BCL11B: variants seen among roughly 807,000 people sequenced by gnomAD.
BCL11B encodes the protein B-cell lymphoma/leukemia 11B.
Under a neutral mutation model 49.9 loss-of-function variants are expected in BCL11B, and 8 were observed. The ratio of observed to expected loss-of-function variants is 0.16; its 90% CI spans 0.09 to 0.29. The LOEUF is 0.29. BCL11B is among the 10% of genes least tolerant of loss of function. The probability of loss-of-function intolerance (pLI) is 1.00; values close to 1 mark genes in which losing one functional copy is unlikely to be tolerated. For synonymous variants in BCL11B, 739 were observed against 637.4 expected (o/e 1.16, Z -2.40); for missense variants, 1,006 against 1,351.0 (o/e 0.74, Z 4.00).
At chr14:99,254,654 G>C (rs1889104982) in intron 2 of BCL11B, among the ~76,000 whole-genome samples, 1 of 152,220 alleles carries the variant, frequency 6.6e-6, no homozygotes, top group African/African-American at 2.4e-5. Context: ...GAGGCCCTGG[G>C]GACAATAGCA....
Position 99,174,036 on chromosome 14 carries a change from G to T in BCL11B, c.*115C>A. 1 of 1,092,346 alleles carries T rather than the reference G, an allele frequency of 9.2e-7. No homozygotes were observed. The highest frequency in any genetic ancestry group is 1.3e-6 in the Non-Finnish European group (1 of 764,656). 67.7% of individuals were successfully genotyped at this position (1,092,346 alleles called of 1,614,324 possible). A position where few individuals can be genotyped will look rare whatever the true frequency, so the allele number is the denominator to read the frequency against. On this transcript the variant is annotated 3_prime_UTR_variant, in exon 4 of 4. Transcript: ENST00000357195. ...TAGGTTGGAGTGCCGCCTCCCCTGG[G>T]CCCCGGGGACACGCGGGGTGCGGGG...
At chr14:99,216,123 C>T (rs978861526) in intron 3 of BCL11B, among the ~76,000 whole-genome samples, 3 of 152,216 alleles carry the variant, frequency 2.0e-5, no homozygotes, top group Admixed American at 6.5e-5. Flanking sequence ...CTGCTTAAGG[C>T]CGCACAATGT....
At chr14:99,226,888 A>C (rs777835815) in intron 3 of BCL11B, among the ~76,000 whole-genome samples, 6 of 152,230 alleles carry the variant, frequency 3.9e-5, no homozygotes, top group Non-Finnish European at 7.3e-5. Flanking sequence ...CACAGCAAGC[A>C]CAATTTCAGT....
chr14:99,250,072 G>C (rs1006160996), intron 2 of BCL11B, among the ~76,000 whole-genome samples: 10 of 122,992 alleles, frequency 8.1e-5, no homozygotes, highest in Non-Finnish European at 9.6e-5. Context: ...ATCTCCTTCT[G>C]TCGCCCAGGC....
intron 3 of BCL11B, among the ~76,000 whole-genome samples, chr14:99,177,703 G>A (rs1288606618): frequency 1.3e-5 from 2 of 151,690 alleles, no homozygotes; most frequent in Non-Finnish European, 1.5e-5. Flanking sequence ...CTCTGGTGAA[G>A]TCAAACGTGC....
Position 99,271,793 on chromosome 14 carries a change from A to G in BCL11B, c.-575T>C, listed in dbSNP as rs1353294307. On this transcript the variant is annotated 5_prime_UTR_variant, in exon 1 of 4. Coordinates refer to ENST00000357195, the MANE Select transcript of BCL11B (RefSeq NM_138576.4). ...AAGCAAAGGAAAAAAAAAAGCAAAG[A>G]AAACTTGGGGACTTGTCTCGTACCC... 6.6e-6 allele frequency among the ~76,000 whole-genome samples: 1 copy of G among 152,048 alleles called. No individual in the cohort carries two copies. The highest frequency in any genetic ancestry group is 2.4e-5 in the African/African-American group (1 of 41,418).
rs1888680079 is a variant in BCL11B, at chr14:99,241,823, G to C, written c.428-10266C>G. 6.6e-6 allele frequency among the ~76,000 whole-genome samples: 1 copy of C among 152,152 alleles called. No individual in the cohort carries two copies. The highest frequency in any genetic ancestry group is 1.5e-5 in the Non-Finnish European group (1 of 68,046). On this transcript the variant is annotated intron_variant, in intron 2 of 3. Coordinates refer to ENST00000357195, the MANE Select transcript of BCL11B (RefSeq NM_138576.4). This position sits in a 1 kb window ranked among gnomAD's most constrained non-coding sequence, Gnocchi z 4.4. ...CCTTGGCAGCGAGAAAGGCTGGCTG[G>C]CATTATCCCCTCATTTGACAAAACT... is the stretch of plus-strand genomic sequence containing the variant.
At chr14:99,179,825 T>G (rs1886649136) in intron 3 of BCL11B, among the ~76,000 whole-genome samples, 1 of 152,148 alleles carries the variant, frequency 6.6e-6, no homozygotes, top group African/African-American at 2.4e-5. Context: ...AAAACATTCA[T>G]TTCCTTATTA....
At position 99,257,913 on chromosome 14, in the gene BCL11B, C is replaced by A. The variant is rs1889220484; in HGVS notation, c.59-74G>T. ...CTTAGGCGGTCACAGCACCCAACTT[C>A]CGGTCCACCCCTTCCCCGCCAAGAA... On this transcript the variant is annotated intron_variant, in intron 1 of 3. Transcript: ENST00000357195. This position sits in a 1 kb window ranked among gnomAD's most constrained non-coding sequence, Gnocchi z 6.2. The A allele has an allele frequency of 2.1e-6, 3 of 1,412,766 alleles. No homozygotes were observed. The African/African-American group carries it at 4.3e-5, about 20-fold the overall frequency. The allele number at this position is 1,412,766 out of a possible 1,614,324, so 87.5% of individuals were successfully genotyped here.
intron 2 of BCL11B, among the ~76,000 whole-genome samples, chr14:99,246,819 G>A (rs1205562262): frequency 6.6e-6 from 1 of 152,194 alleles, no homozygotes; most frequent in African/African-American, 2.4e-5. Flanking sequence ...GGGAGGGGAG[G>A]AGGCCAAGCT....
Position 99,228,915 on chromosome 14 carries a change from A to AATGG in BCL11B, c.640+2426_640+2429dup, listed in dbSNP as rs769600454. On this transcript the variant is annotated intron_variant, in intron 3 of 3. Coordinates refer to ENST00000357195, the MANE Select transcript of BCL11B (RefSeq NM_138576.4). The surrounding 1 kb of genome is among the most constrained non-coding windows in gnomAD (Gnocchi z 4.8). ...ATGGCTTCAAGCTAAAGAATGAATA[A>AATGG]ATGGATGGATGGATGGATGGATGAA... Among the ~76,000 whole-genome samples the AATGG allele has an allele frequency of 2.0e-4, 31 of 152,218 alleles. No individual in the cohort carries two copies. The highest frequency in any genetic ancestry group is 3.4e-4 in the African/African-American group (14 of 41,522).
chr14:99,190,952 TA>T (rs1275089278), intron 3 of BCL11B, among the ~76,000 whole-genome samples: 2 of 152,208 alleles, frequency 1.3e-5, no homozygotes, highest in African/African-American at 4.8e-5. Flanking sequence ...TACTTCTTTT[TA>T]AAATATGCTT....
chr14:99,173,019 C>G lies in BCL11B; in HGVS notation c.*1132G>C, dbSNP rs144208232. 8.9e-5 allele frequency: 18 copies of G among 202,012 alleles called. No individual in the cohort carries two copies. The East Asian group carries it at 1.4e-3, about 16-fold the overall frequency. The allele number at this position is 202,012 out of a possible 1,614,324, so 12.5% of individuals were successfully genotyped here. On this transcript the variant is annotated 3_prime_UTR_variant, in exon 4 of 4. Transcript: ENST00000357195. Reference sequence around the variant, plus strand: ...ACTAACTTCAATTAATTAGGGCATTCGTCTGCTTGGGAAATGATGGATGAC... The same window carrying G: ...ACTAACTTCAATTAATTAGGGCATTGGTCTGCTTGGGAAATGATGGATGAC...
rs1398629027 is a variant in BCL11B, at chr14:99,175,607, G to A, written c.1229C>T (p.Pro410Leu). Residue 410 changes from proline (P) to leucine (L), a missense_variant, in exon 4 of 4, where the codon CCG becomes CTG. Transcript: ENST00000357195. ...KSPFLSTPPL[P>L]PMPPGGTPPP... ...CGGCGTGCCGCCAGGGGGCATGGGC[G>A]GCAGCGGCGGCGTGCTCAGGAACGG... The A allele has an allele frequency of 2.6e-6, 4 of 1,563,598 alleles. No individual in the cohort carries two copies. Among genetic ancestry groups the A allele is most frequent in the African/African-American group, 2.8e-5 (2 of 72,376 alleles).
Position 99,192,532 on chromosome 14 carries a change from A to ACACCC in BCL11B, c.641-16342_641-16338dup, listed in dbSNP as rs1344618094. Among the ~76,000 whole-genome samples the ACACCC allele has an allele frequency of 6.6e-6, 1 of 152,070 alleles. No individual in the cohort carries two copies. Among genetic ancestry groups the ACACCC allele is most frequent in the Non-Finnish European group, 1.5e-5 (1 of 68,020 alleles). On this transcript the variant is annotated intron_variant, in intron 3 of 3. Coordinates refer to ENST00000357195, the MANE Select transcript of BCL11B (RefSeq NM_138576.4). The surrounding 1 kb of genome is among the most constrained non-coding windows in gnomAD (Gnocchi z 4.0). Reference sequence around the variant, plus strand: ...ACCTTTCACCTCGTCCTCGCCACACACACCCAGGCCCAGCCCCGCTGCCTC... The same window carrying ACACCC: ...ACCTTTCACCTCGTCCTCGCCACACACACCCCACCCAGGCCCAGCCCCGCTGCCTC...
rs544407345 is a variant in BCL11B at position 99,237,726 on chromosome 14, C to T, written c.428-6169G>A. On this transcript the variant is annotated intron_variant, in intron 2 of 3. Transcript: ENST00000357195. ...TTTGCACAGCTGTGTTTAAAGAGTTCCTTCGGGGTCATTACACGGGAGACA... is the reference window on the plus strand; with the variant it reads ...TTTGCACAGCTGTGTTTAAAGAGTTTCTTCGGGGTCATTACACGGGAGACA... Among the ~76,000 whole-genome samples, 4 of 152,246 alleles carry T rather than the reference C, an allele frequency of 2.6e-5. No homozygotes were observed. The South Asian group carries it at 8.3e-4, about 32-fold the overall frequency.
At chr14:99,210,766 C>G (rs1439318294) in intron 3 of BCL11B, among the ~76,000 whole-genome samples, 2 of 152,202 alleles carry the variant, frequency 1.3e-5, no homozygotes, top group African/African-American at 2.4e-5. Context: ...CAGAGTTGGT[C>G]TAGCAGGGGT....
At chr14:99,263,509 A>G (rs1889397543) in intron 1 of BCL11B, among the ~76,000 whole-genome samples, 1 of 152,208 alleles carries the variant, frequency 6.6e-6, no homozygotes, top group African/African-American at 2.4e-5. Flanking sequence ...GAGGTTTTAG[A>G]TGCAGGAAGA....
At chr14:99,258,840 T>G (rs1889253251) in intron 1 of BCL11B, among the ~76,000 whole-genome samples, 1 of 152,216 alleles carries the variant, frequency 6.6e-6, no homozygotes, top group Admixed American at 6.5e-5. Flanking sequence ...AAACCACACT[T>G]TCAATGGACT....
Sources: gnomAD v4.1 joint callset for allele counts (sites outside exome capture counted in the v4.1 genomes callset) on GRCh38, gnomAD v4.1.1 for gene constraint, Gnocchi (gnomAD v3.1) non-coding constraint, MANE v1.5 for transcripts, NCBI Gene and HGNC (gene_info 2026-07-23, HGNC 2026-07-21) for gene names.